The following ANKS1B variants were observed in gnomAD, a reference collection of about 807,000 sequenced individuals.
The protein encoded by ANKS1B is ankyrin repeat and sterile alpha motif domain-containing protein 1B.
ANKS1B carries 36 observed loss-of-function variants against 148.3 expected under a neutral mutation model. The observed-to-expected ratio is 0.24, with a 90% CI of 0.19 to 0.32. ANKS1B has a LOEUF of 0.32. ANKS1B is among the 10% of genes least tolerant of loss of function. ANKS1B has a pLI of 1.00. For missense variants in ANKS1B, 1,157 were observed against 1,542.6 expected (o/e 0.75, Z 4.19); for synonymous variants, 542 against 560.8 (o/e 0.97, Z 0.47).
rs1204246771 is a variant in ANKS1B at position 99,223,473 on chromosome 12, G to A, written c.2419+20869C>T. 3.9e-5 allele frequency among the ~76,000 whole-genome samples: 6 copies of A among 152,088 alleles called. No homozygotes were observed. In the South Asian group the frequency reaches 1.2e-3, roughly 32 times the overall value. ...CCTGCAACTAGATGGTCCCATCTGG[G>A]GGTAATGGGAGACAGTGACAGATCA... On this transcript the variant is annotated intron_variant, in intron 14 of 26. Transcript: ENST00000683438.
chr12:98,964,611 T>A (rs2099876205), intron 17 of ANKS1B, among the ~76,000 whole-genome samples: 1 of 152,080 alleles, frequency 6.6e-6, no homozygotes, highest in Admixed American at 6.5e-5. Context: ...TGCAATGGAG[T>A]GCTATCCAGC....
intron 1 of ANKS1B, among the ~76,000 whole-genome samples, chr12:99,927,972 A>G (rs779265657): frequency 4.6e-5 from 7 of 152,162 alleles, no homozygotes; most frequent in African/African-American, 7.2e-5. Flanking sequence ...ATTACCAAAT[A>G]TCTTCTTGGC....
chr12:99,466,490 A>G (rs12819083), intron 10 of ANKS1B, among the ~76,000 whole-genome samples: 9 of 151,494 alleles, frequency 5.9e-5, no homozygotes, highest in Non-Finnish European at 4.4e-5. Context: ...AAAAATTAAT[A>G]AATCCAGGAG....
At chr12:99,151,068 A>T (rs1311140915) in intron 15 of ANKS1B, among the ~76,000 whole-genome samples, 5 of 152,188 alleles carry the variant, frequency 3.3e-5, no homozygotes, top group Admixed American at 3.3e-4. Context: ...AAGGATCTAA[A>T]CTATGTGCAC....
At chr12:98,916,402 G>C (rs2099794478) in intron 17 of ANKS1B, among the ~76,000 whole-genome samples, 1 of 152,228 alleles carries the variant, frequency 6.6e-6, no homozygotes, top group Non-Finnish European at 1.5e-5. Context: ...TAAGGAGGTG[G>C]TGGAGGCGGC....
intron 1 of ANKS1B, among the ~76,000 whole-genome samples, chr12:99,979,165 G>A (rs529060963): frequency 2.6e-5 from 4 of 151,772 alleles, no homozygotes; most frequent in African/African-American, 9.7e-5. Context: ...AAGGAGGGAG[G>A]CAACTCAATT....
chr12:99,162,853 T>C (rs1398827421), intron 14 of ANKS1B, among the ~76,000 whole-genome samples: 1 of 151,950 alleles, frequency 6.6e-6, no homozygotes, highest in Middle Eastern at 3.2e-3. Flanking sequence ...AGGTCAGGAG[T>C]TTGAGACCAG....
intron 12 of ANKS1B, among the ~76,000 whole-genome samples, chr12:99,325,522 G>C (rs960835685): frequency 2.0e-5 from 3 of 152,024 alleles, no homozygotes; most frequent in South Asian, 2.1e-4. Context: ...AACTGAAGAG[G>C]GTCAACGATT....
At chr12:99,723,650 C>T (rs1183271575) in intron 8 of ANKS1B, among the ~76,000 whole-genome samples, 1 of 152,154 alleles carries the variant, frequency 6.6e-6, no homozygotes, top group East Asian at 1.9e-4. Context: ...AGTCAAAGAG[C>T]TTCATTAAAC....
At chr12:98,898,828 T>C (rs1161213608) in intron 17 of ANKS1B, among the ~76,000 whole-genome samples, 1 of 152,202 alleles carries the variant, frequency 6.6e-6, no homozygotes, top group Non-Finnish European at 1.5e-5. Flanking sequence ...ATGGTACCAA[T>C]TTCTGACCAC....
intron 15 of ANKS1B, among the ~76,000 whole-genome samples, chr12:99,115,458 G>A (rs994793976): frequency 6.6e-6 from 1 of 152,102 alleles, no homozygotes; most frequent in East Asian, 1.9e-4. Flanking sequence ...ACAGATACTT[G>A]GGCCTCCTTG....
At chr12:99,485,271 C>A (rs1290488105) in intron 10 of ANKS1B, among the ~76,000 whole-genome samples, 1 of 151,972 alleles carries the variant, frequency 6.6e-6, no homozygotes, top group East Asian at 1.9e-4. Context: ...ATTTGTGAAA[C>A]TTAGTTTTGT....
chr12:99,119,171 T>C (rs1600394604), intron 15 of ANKS1B, among the ~76,000 whole-genome samples: 1 of 152,144 alleles, frequency 6.6e-6, no homozygotes, highest in East Asian at 1.9e-4. Context: ...CAAACACATG[T>C]ATCTTATAAA....
chr12:99,350,485 A>G (rs1212835334), intron 12 of ANKS1B, among the ~76,000 whole-genome samples: 2 of 152,062 alleles, frequency 1.3e-5, no homozygotes, highest in Non-Finnish European at 2.9e-5. Flanking sequence ...CTACAAACAC[A>G]AGACAACTGT....
At chr12:99,275,477 A>G (rs542340629) in intron 12 of ANKS1B, among the ~76,000 whole-genome samples, 13 of 152,354 alleles carry the variant, frequency 8.5e-5, no homozygotes, top group African/African-American at 3.1e-4. Context: ...TTCACTTAAC[A>G]TAACATCCTC....
chr12:98,823,597 C>G (rs1281299690), intron 19 of ANKS1B, among the ~76,000 whole-genome samples: 3 of 152,220 alleles, frequency 2.0e-5, no homozygotes, highest in Non-Finnish European at 4.4e-5. Flanking sequence ...TCAAGCAATT[C>G]TCCTGTCTCA....
At chr12:99,387,603 AAAGAAGAAG>A (rs371936700) in intron 12 of ANKS1B, among the ~76,000 whole-genome samples, 1 of 151,148 alleles carries the variant, frequency 6.6e-6, no homozygotes, top group Non-Finnish European at 1.5e-5. Context: ...CTCAAAAAAA[AAAGAAGAAG>A]AAGAAGAAGA....
At chr12:99,461,480 A>G (rs2095968634) in intron 10 of ANKS1B, among the ~76,000 whole-genome samples, 1 of 152,182 alleles carries the variant, frequency 6.6e-6, no homozygotes, top group African/African-American at 2.4e-5. Flanking sequence ...ATAAAATATC[A>G]CAGTAGTTGG....
intron 15 of ANKS1B, among the ~76,000 whole-genome samples, chr12:99,092,572 C>G (rs535839962): frequency 6.6e-6 from 1 of 151,918 alleles, no homozygotes; most frequent in Non-Finnish European, 1.5e-5. Context: ...TTTCCCAGTG[C>G]CTCACAAGAG....
Sources: gnomAD v4.1 joint callset for allele counts (sites outside exome capture counted in the v4.1 genomes callset) on GRCh38, gnomAD v4.1.1 for gene constraint, MANE v1.5 for transcripts, NCBI Gene and HGNC (gene_info 2026-07-23, HGNC 2026-07-21) for gene names.